Variants in LHFPL5 observed in about 807,000 individuals in gnomAD.
LHFPL5 encodes LHFPL tetraspan subfamily member 5.
Under a neutral mutation model 18.7 loss-of-function variants are expected in LHFPL5, and 12 were observed. The ratio of observed to expected loss-of-function variants is 0.64; its 90% CI spans 0.41 to 1.04. LHFPL5 has a LOEUF of 1.04. Ranked by LOEUF, LHFPL5 falls within the 50% of genes least tolerant of loss-of-function variation. The probability of loss-of-function intolerance (pLI) is 0.00; values close to 1 mark genes in which losing one functional copy is unlikely to be tolerated. For missense variants in LHFPL5, 259 were observed against 292.1 expected, an observed-to-expected ratio of 0.89 and a Z score of 0.83; for synonymous variants, 111 against 120.2, an observed-to-expected ratio of 0.92 and a Z score of 0.50.
chr6:35,819,610 T>C (rs1252139835), intron 3 of LHFPL5, 147 bp downstream of exon 3: 2 of 762,950 alleles, frequency 2.6e-6, no homozygotes, highest in East Asian at 2.7e-5. Context: ...AACACCCCAC[T>C]GGGGCAGGAG....
chr6:35,819,687 T>G (rs1457983346), intron 3 of LHFPL5: 1 of 584,144 alleles, frequency 1.7e-6, no homozygotes, highest in Non-Finnish European at 3.1e-6. Context: ...TGTGTCTTTT[T>G]TTTTTTTGAG....
chr6:35,820,124 AT>A (rs1444200785), intron 3 of LHFPL5, among the ~76,000 whole-genome samples: 1 of 152,216 alleles, frequency 6.6e-6, no homozygotes, highest in East Asian at 1.9e-4. Context: ...TTCAGAAAGA[AT>A]TTTTAAGTGA....
rs1411398761 is a variant in LHFPL5 at position 35,823,147 on chromosome 6, ACT to A, written c.*185_*186del. On this transcript the variant is annotated 3_prime_UTR_variant, in exon 4 of 4. Coordinates refer to ENST00000360215, the MANE Select transcript of LHFPL5 (RefSeq NM_182548.4). ...CTCCTGAGACAAGACCTCCTACTGT[ACT>A]CTTTCTGGGGAAGCAGAACTGCAGT... 1 of 151,776 alleles carries A rather than the reference ACT, an allele frequency of 6.6e-6. No individual in the cohort carries two copies. Among genetic ancestry groups the A allele is most frequent in the East Asian group, 1.9e-4 (1 of 5,174 alleles). The allele number at this position is 151,776 out of a possible 1,614,324, so 9.4% of individuals were successfully genotyped here. A position where few individuals can be genotyped will look rare whatever the true frequency, so the allele number is the denominator to read the frequency against.
Position 35,819,453 on chromosome 6 carries a change from C to G in LHFPL5, c.*6C>G, listed in dbSNP as rs779816407. On this transcript the variant is annotated 3_prime_UTR_variant, in exon 3 of 4. Transcript: ENST00000360215. Reference sequence around the variant, plus strand: ...TCATTACAGAGGAGGTGTGAAGCAGCTGAAGGGTCGGTGAGTAATTCTATG... The same window carrying G: ...TCATTACAGAGGAGGTGTGAAGCAGGTGAAGGGTCGGTGAGTAATTCTATG... The G allele has an allele frequency of 6.2e-7, 1 of 1,613,888 alleles. No homozygotes were observed. The highest frequency in any genetic ancestry group is 1.1e-5 in the South Asian group (1 of 91,050).
rs573183807 is a variant in LHFPL5, at chr6:35,822,547, G to A, written c.*17-435G>A. On this transcript the variant is annotated intron_variant, in intron 3 of 3. Transcript: ENST00000360215. ...TTTTGAGATAGCATCTCGCTCTGTC[G>A]TCCAGGCTGGAGTGCAATGGTCTGA... 1.3e-3 allele frequency among the ~76,000 whole-genome samples: 204 copies of A among 152,096 alleles called. 1 individual carries two copies. Among genetic ancestry groups the A allele is most frequent in the Non-Finnish European group, 2.2e-3 (153 of 68,010 alleles).
chr6:35,806,021 GTTC>G lies in LHFPL5; in HGVS notation c.355_357del (p.Phe119del). On this transcript the variant is annotated inframe_deletion, in exon 1 of 4. Transcript: ENST00000360215. ...TTGGCTCCATCATCTGCTTCAGCCT[GTTC>G]TTCATCTGCAACACGGCCACAGTCT... 1 of 1,614,200 alleles carries G rather than the reference GTTC, an allele frequency of 6.2e-7. No homozygotes were observed. The highest frequency in any genetic ancestry group is 8.5e-7 in the Non-Finnish European group (1 of 1,180,042).
Position 35,814,048 on chromosome 6 carries a change from C to T in LHFPL5, c.413-498C>T, listed in dbSNP as rs768803216. 6.6e-6 allele frequency among the ~76,000 whole-genome samples: 1 copy of T among 152,152 alleles called. No homozygotes were observed. Among genetic ancestry groups the T allele is most frequent in the Non-Finnish European group, 1.5e-5 (1 of 68,022 alleles). On this transcript the variant is annotated intron_variant, in intron 1 of 3. Coordinates refer to ENST00000360215, the MANE Select transcript of LHFPL5 (RefSeq NM_182548.4). This position sits in a 1 kb window ranked among gnomAD's most constrained non-coding sequence, Gnocchi z 4.2. ...CCAACCTCAGGTGATCTGCCCGCCT[C>T]GACCTCCCAAAGTGCTGGGATTACA...
chr6:35,809,985 T>C (rs1050821092), intron 1 of LHFPL5, among the ~76,000 whole-genome samples: 1 of 152,222 alleles, frequency 6.6e-6, no homozygotes, highest in African/African-American at 2.4e-5. Context: ...TTAAAACATT[T>C]CTTTGAGTTG....
intron 1 of LHFPL5, among the ~76,000 whole-genome samples, chr6:35,810,707 G>T (rs1210840087): frequency 6.6e-6 from 1 of 151,768 alleles, no homozygotes; most frequent in Non-Finnish European, 1.5e-5. Context: ...GGCGCCTGTA[G>T]TCCCAGCTAC....
Position 35,814,730 on chromosome 6 carries a change from G to C in LHFPL5, c.597G>C (p.Leu199Phe). Residue 199 changes from leucine (L) to phenylalanine (F), a missense_variant, in exon 2 of 4, where the codon TTG becomes TTC. Physicochemically the swap from Leu to Phe is conservative, Grantham distance 22 (BLOSUM62 0). Coordinates refer to ENST00000360215, the MANE Select transcript of LHFPL5 (RefSeq NM_182548.4). The surrounding 1 kb of genome is among the most constrained non-coding windows in gnomAD (Gnocchi z 4.2). ...TCCTCTCCTTCCTGGCCTTCGTGTT[G>C]GGCTACCGGCAGGACAAGCTCCTCC... ...ALILSFLAFV[L>F]GYRQDKLLPD... 1 of 1,614,142 alleles carries C rather than the reference G, an allele frequency of 6.2e-7. No individual in the cohort carries two copies. Among genetic ancestry groups the C allele is most frequent in the Non-Finnish European group, 8.5e-7 (1 of 1,180,026 alleles).
intron 3 of LHFPL5, among the ~76,000 whole-genome samples, chr6:35,820,071 C>G (rs951697452): frequency 2.0e-5 from 3 of 152,154 alleles, no homozygotes; most frequent in African/African-American, 7.2e-5. Flanking sequence ...CACACAAGAA[C>G]AGACTGTTTT....
chr6:35,816,386 A>G (rs1325647458), intron 2 of LHFPL5, among the ~76,000 whole-genome samples: 5 of 151,760 alleles, frequency 3.3e-5, no homozygotes, highest in Non-Finnish European at 5.9e-5. Context: ...AAGAAAACAA[A>G]TTACTAGAAA....
chr6:35,816,079 G>A (rs895673848), intron 2 of LHFPL5, among the ~76,000 whole-genome samples: 6 of 151,800 alleles, frequency 4.0e-5, no homozygotes, highest in African/African-American at 7.3e-5. Flanking sequence ...GCTGAGGCAG[G>A]AGAATGGCGT....
In LHFPL5 at chr6:35,805,593, C is replaced by G; in HGVS notation, c.-78C>G. On this transcript the variant is annotated 5_prime_UTR_variant, in exon 1 of 4. Transcript: ENST00000360215. This position sits in a 1 kb window ranked among gnomAD's most constrained non-coding sequence, Gnocchi z 4.3. ...CTCCCCAAACCCCGCTGGGGAGTGA[C>G]CTGCTTCTAGGCCTCCATCCACAAA... The G allele has an allele frequency of 6.6e-7, 1 of 1,524,956 alleles. No individual in the cohort carries two copies. The allele number at this position is 1,524,956 out of a possible 1,614,324, so 94.5% of individuals were successfully genotyped here.
rs769729843 is a variant in LHFPL5, at chr6:35,805,977, T to C, written c.307T>C (p.Leu103=). 1.9e-6 allele frequency: 3 copies of C among 1,614,154 alleles called. No homozygotes were observed. The highest frequency in any genetic ancestry group is 2.7e-5 in the African/African-American group (2 of 74,956). The change falls in exon 1 of 4, where the codon TTG becomes CTG. Residue 103 remains leucine, a synonymous_variant. Transcript: ENST00000360215. This position sits in a 1 kb window ranked among gnomAD's most constrained non-coding sequence, Gnocchi z 4.3. ...CAAGACTGCCATGTTCTTTGTGGCC[T>C]TGGGCATGTTCCTCATCATTGGCTC... ...AFKTAMFFVA[L]GMFLIIGSII...
intron 3 of LHFPL5, 114 bp downstream of exon 3, chr6:35,819,577 A>G: frequency 3.9e-6 from 4 of 1,023,390 alleles, no homozygotes; most frequent in Non-Finnish European, 6.0e-6. Context: ...TAAGGCTGTG[A>G]TGCTGCTTGG....
chr6:35,806,955 G>C (rs1768579337), intron 1 of LHFPL5, among the ~76,000 whole-genome samples: 1 of 152,236 alleles, frequency 6.6e-6, no homozygotes, highest in East Asian at 1.9e-4. Context: ...CTCCCAAGTA[G>C]CTGGGACTCC....
chr6:35,806,116 C>T (rs1237599798), intron 1 of LHFPL5, 34 bp downstream of exon 1: 2 of 1,606,642 alleles, frequency 1.2e-6, no homozygotes, highest in African/African-American at 2.7e-5. Context: ...AGGCAGGGGC[C>T]CACCCCGGGG....
intron 3 of LHFPL5, among the ~76,000 whole-genome samples, chr6:35,822,725 G>A (rs533116037): frequency 6.6e-6 from 1 of 152,012 alleles, no homozygotes; most frequent in South Asian, 2.1e-4. Context: ...CTGATCTCGT[G>A]ATCCGCCCGC....
Sources: gnomAD v4.1 joint callset for allele counts (sites outside exome capture counted in the v4.1 genomes callset) on GRCh38, gnomAD v4.1.1 for gene constraint, Gnocchi (gnomAD v3.1) non-coding constraint, MANE v1.5 for transcripts, NCBI Gene and HGNC (gene_info 2026-07-23, HGNC 2026-07-21) for gene names.